Variants in PACRG observed in about 807,000 individuals in gnomAD.
PACRG encodes the protein parkin coregulated.
A neutral mutation model predicts 29.7 loss-of-function variants in PACRG; 29 were observed. The observed-to-expected ratio is 0.98, with a 90% CI of 0.73 to 1.33. The LOEUF is 1.33. PACRG is among the 40% of genes most tolerant of loss of function. PACRG has a pLI of 0.00. For synonymous variants in PACRG, 116 were observed against 118.7 expected, an observed-to-expected ratio of 0.98 and a Z score of 0.15; for missense variants, 279 against 316.2, an observed-to-expected ratio of 0.88 and a Z score of 0.89.
rs1313016695 is a variant in PACRG, at chr6:163,039,508, A to G, written c.292-22642A>G. Among the ~76,000 whole-genome samples the G allele has an allele frequency of 2.0e-5, 3 of 152,348 alleles. No homozygotes were observed. The East Asian group carries it at 5.8e-4, about 29-fold the overall frequency. On this transcript the variant is annotated intron_variant, in intron 2 of 4. Coordinates refer to ENST00000366888, the MANE Select transcript of PACRG (RefSeq NM_001080379.2). The stretch of plus-strand genomic sequence containing the variant: ...AGAGGAAAATGTGGGAAAGTTTGGA[A>G]CTTCCTAGAGACTTGTTGAATGGTT...
chr6:163,211,954 A>G (rs1781161220), intron 4 of PACRG, among the ~76,000 whole-genome samples: 1 of 152,154 alleles, frequency 6.6e-6, no homozygotes, highest in Admixed American at 6.5e-5. Flanking sequence ...GAGGGGTGTC[A>G]GGGCCTAAGA....
intron 4 of PACRG, among the ~76,000 whole-genome samples, chr6:163,092,574 T>C (rs1258769325): frequency 6.6e-6 from 1 of 152,220 alleles, no homozygotes; most frequent in Non-Finnish European, 1.5e-5. Context: ...AATGGTAGTG[T>C]AGACTAAACA....
At chr6:162,881,228 G>A (rs1004128459) in intron 2 of PACRG, among the ~76,000 whole-genome samples, 1 of 152,156 alleles carries the variant, frequency 6.6e-6, no homozygotes, top group African/African-American at 2.4e-5. Flanking sequence ...TTACTCCAGG[G>A]GCTGCCTGAT....
rs564423665 is a variant in PACRG, at chr6:162,852,406, G to A, written c.291+38125G>A. Reference sequence around the variant, plus strand: ...TGCTGCCAGCAGCAGAACCCCCAGCGCAGGCTGAGAGGCTAAGACGCGCTT... The same window carrying A: ...TGCTGCCAGCAGCAGAACCCCCAGCACAGGCTGAGAGGCTAAGACGCGCTT... On this transcript the variant is annotated intron_variant, in intron 2 of 4. Coordinates refer to ENST00000366888, the MANE Select transcript of PACRG (RefSeq NM_001080379.2). Among the ~76,000 whole-genome samples the A allele has an allele frequency of 2.3e-3, 348 of 152,312 alleles. 1 individual carries two copies. The highest frequency in any genetic ancestry group is 7.9e-3 in the African/African-American group (327 of 41,580).
At chr6:163,189,865 G>T (rs542420540) in intron 4 of PACRG, 3 of 152,326 alleles carry the variant, frequency 2.0e-5, no homozygotes, top group South Asian at 4.1e-4. Context: ...ACTGGTCACC[G>T]CAGGGCATAC....
intron 2 of PACRG, among the ~76,000 whole-genome samples, chr6:163,036,521 C>T (rs1418752933): frequency 6.6e-6 from 1 of 152,224 alleles, no homozygotes; most frequent in Non-Finnish European, 1.5e-5. Flanking sequence ...TGGCAAAGAA[C>T]AATGAGCCTA....
rs80226269 is a variant in PACRG, at chr6:162,850,065, A to G, written c.291+35784A>G. On this transcript the variant is annotated intron_variant, in intron 2 of 4. Coordinates refer to ENST00000366888, the MANE Select transcript of PACRG (RefSeq NM_001080379.2). ...AGCAGCAGCATGAAAACTTATATTTAGGGGAAATGTTTGCTGATTCCAACT... is the reference window on the plus strand; with the variant it reads ...AGCAGCAGCATGAAAACTTATATTTGGGGGAAATGTTTGCTGATTCCAACT... 3.6e-3 allele frequency among the ~76,000 whole-genome samples: 543 copies of G among 152,350 alleles called. 3 individuals carry two copies. The highest frequency in any genetic ancestry group is 0.013 in the African/African-American group (525 of 41,580).
chr6:162,864,249 A>C (rs1250880982), intron 2 of PACRG, among the ~76,000 whole-genome samples: 1 of 152,220 alleles, frequency 6.6e-6, no homozygotes, highest in African/African-American at 2.4e-5. Context: ...CCAATTATCC[A>C]TATTTTGATG....
intron 2 of PACRG, among the ~76,000 whole-genome samples, chr6:162,844,324 G>A (rs77823380): frequency 6.6e-6 from 1 of 152,202 alleles, no homozygotes; most frequent in Non-Finnish European, 1.5e-5. Flanking sequence ...AAGCCGGTCC[G>A]AAAAGCGCAA....
Position 162,802,514 on chromosome 6 carries a change from G to T in PACRG, c.157-11633G>T, listed in dbSNP as rs192955573. On this transcript the variant is annotated intron_variant, in intron 1 of 4. Coordinates refer to ENST00000366888, the MANE Select transcript of PACRG (RefSeq NM_001080379.2). The stretch of plus-strand genomic sequence containing the variant: ...GGTTATATAATTTATGAATTCCAGT[G>T]TAATAGTCCATTAATTTACCTCTCT... Among the ~76,000 whole-genome samples, 7 of 152,236 alleles carry T rather than the reference G, an allele frequency of 4.6e-5. No individual in the cohort carries two copies. The East Asian group carries it at 9.7e-4, about 21-fold the overall frequency.
intron 4 of PACRG, among the ~76,000 whole-genome samples, chr6:163,214,846 T>C (rs1781298721): frequency 6.6e-6 from 1 of 152,166 alleles, no homozygotes; most frequent in Non-Finnish European, 1.5e-5. Context: ...GATCCTCGTC[T>C]TATTCCACAC....
chr6:162,787,009 A>G (rs759654851), intron 1 of PACRG, among the ~76,000 whole-genome samples: 2 of 152,196 alleles, frequency 1.3e-5, no homozygotes, highest in Admixed American at 6.5e-5. Flanking sequence ...CAGTTTTGCC[A>G]GTAGAAATAC....
At chr6:162,868,125 A>T (rs1385047034) in intron 2 of PACRG, among the ~76,000 whole-genome samples, 1 of 152,100 alleles carries the variant, frequency 6.6e-6, no homozygotes, top group Non-Finnish European at 1.5e-5. Flanking sequence ...GGATTTTCAG[A>T]CACCTTTGAA....
chr6:163,235,643 A>C (rs1782206571), intron 4 of PACRG, among the ~76,000 whole-genome samples: 1 of 152,212 alleles, frequency 6.6e-6, no homozygotes, highest in South Asian at 2.1e-4. Context: ...AGCACCTAAG[A>C]GAAATTATCA....
intron 2 of PACRG, among the ~76,000 whole-genome samples, chr6:162,891,318 TAAG>T (rs1053802086): frequency 6.6e-6 from 1 of 152,202 alleles, no homozygotes; most frequent in African/African-American, 2.4e-5. Context: ...GTTGAGGCAC[TAAG>T]TAGAAGGAAA....
intron 3 of PACRG, among the ~76,000 whole-genome samples, chr6:163,086,292 G>C (rs182352640): frequency 6.6e-6 from 1 of 152,188 alleles, no homozygotes; most frequent in Non-Finnish European, 1.5e-5. Context: ...AACACGCTGC[G>C]TGCCTTCTTC....
chr6:162,805,816 C>CAGCAA (rs752376402), intron 1 of PACRG, among the ~76,000 whole-genome samples: 2 of 152,156 alleles, frequency 1.3e-5, no homozygotes, highest in Non-Finnish European at 2.9e-5. Context: ...TATGAGGTTG[C>CAGCAA]AGCAATTTGG....
chr6:162,862,611 G>C (rs1791958481), intron 2 of PACRG, among the ~76,000 whole-genome samples: 1 of 152,220 alleles, frequency 6.6e-6, no homozygotes. Flanking sequence ...GACTCAGAGA[G>C]CAAAGATCCA....
intron 4 of PACRG, among the ~76,000 whole-genome samples, chr6:163,171,641 C>T (rs1779090372): frequency 6.6e-6 from 1 of 152,230 alleles, no homozygotes; most frequent in South Asian, 2.1e-4. Flanking sequence ...AACTTTTCCC[C>T]CCAGTTTCTC....
Sources: allele counts gnomAD v4.1 joint callset (sites outside exome capture counted in the v4.1 genomes callset), GRCh38; gene constraint gnomAD v4.1.1; transcripts MANE v1.5; gene names NCBI Gene and HGNC (gene_info 2026-07-23, HGNC 2026-07-21).